Variants in PPIF observed in about 807,000 individuals in gnomAD.
PPIF encodes the protein peptidyl-prolyl cis-trans isomerase F, mitochondrial.
A neutral mutation model predicts 20.2 loss-of-function variants in PPIF; 23 were observed. The observed-to-expected ratio is 1.14, with a 90% CI of 0.82 to 1.61. The LOEUF is 1.61. Ranked by LOEUF, PPIF falls within the 40% of genes most tolerant of loss-of-function variation. PPIF has a pLI of 0.00. For synonymous variants in PPIF, 113 were observed against 123.1 expected (o/e 0.92, Z 0.54); for missense variants, 287 against 291.6 (o/e 0.98, Z 0.11).
chr10:79,351,519 C>T lies in PPIF; in HGVS notation c.348C>T (p.Gly116=), dbSNP rs150674286. ...ACTTCACCAACCACAATGGCACAGG[C>T]GGGAAGTCCATCTACGGAAGCCGCT... ...AGDFTNHNGT[G]GKSIYGSRFP... The change falls in exon 4 of 6, where the codon GGC becomes GGT. Residue 116 remains glycine, a synonymous_variant. Coordinates refer to ENST00000225174, the MANE Select transcript of PPIF (RefSeq NM_005729.4). 3.5e-5 allele frequency: 57 copies of T among 1,614,004 alleles called. No homozygotes were observed. Among genetic ancestry groups the T allele is most frequent in the South Asian group, 2.9e-4 (26 of 91,080 alleles).
At chr10:79,352,258 TG>T in intron 4 of PPIF, 58 bp from the exon 5 acceptor site, 1 of 1,500,790 alleles carries the variant, frequency 6.7e-7, no homozygotes, top group South Asian at 1.1e-5. Context: ...CCCTTTCAAA[TG>T]CCCTCCCAGG....
At chr10:79,348,981 T>C in intron 1 of PPIF, 95 bp from the exon 2 acceptor site, 5 of 1,611,766 alleles carry the variant, frequency 3.1e-6, no homozygotes, top group Non-Finnish European at 4.2e-6. Flanking sequence ...CTTAGCCTCC[T>C]TGGCCACTGT....
In PPIF at chr10:79,347,536, A is replaced by C. The variant is rs937131111; in HGVS notation, c.-13A>C. ...GTTCTCCCCGCCCGTGTCCCGCCCG[A>C]CCCGCGCCCGCGATGCTGGCGCTGC... On this transcript the variant is annotated 5_prime_UTR_variant, in exon 1 of 6. Transcript: ENST00000225174. 7.7e-7 allele frequency: 1 copy of C among 1,298,430 alleles called. No homozygotes were observed. The highest frequency in any genetic ancestry group is 1.5e-5 in the African/African-American group (1 of 64,550). The allele number at this position is 1,298,430 out of a possible 1,614,324, so 80.4% of individuals were successfully genotyped here. A position where few individuals can be genotyped will look rare whatever the true frequency, so the allele number is the denominator to read the frequency against.
intron 3 of PPIF, among the ~76,000 whole-genome samples, chr10:79,351,266 AC>A (rs1474577291): frequency 3.3e-5 from 5 of 151,996 alleles, no homozygotes; most frequent in African/African-American, 4.8e-5. Context: ...TCATTTGGAA[AC>A]AAAGGTAGTT....
At chr10:79,353,675 C>A (rs778968568) in intron 5 of PPIF, 32 bp from the exon 6 acceptor site, 2 of 1,614,220 alleles carry the variant, frequency 1.2e-6, no homozygotes, top group South Asian at 2.2e-5. Flanking sequence ...TTGCGCTACA[C>A]TGTTGCTCAC....
rs1020741944 is a variant in PPIF, at chr10:79,355,244, G to A, written c.*1402G>A. 2.0e-5 allele frequency: 3 copies of A among 152,124 alleles called. No homozygotes were observed. The highest frequency in any genetic ancestry group is 7.2e-5 in the African/African-American group (3 of 41,396). 9.4% of individuals were successfully genotyped at this position (152,124 alleles called of 1,614,324 possible). On this transcript the variant is annotated 3_prime_UTR_variant, in exon 6 of 6. Transcript: ENST00000225174. Reference sequence around the variant, plus strand: ...CTTTTGCCATGGTCATAAGCTTCCTGAGGCCTCCCTGGAAGCTGAGCAGAT... The same window carrying A: ...CTTTTGCCATGGTCATAAGCTTCCTAAGGCCTCCCTGGAAGCTGAGCAGAT...
intron 5 of PPIF, 47 bp from the exon 6 acceptor site, chr10:79,353,660 T>C (rs1856009806): frequency 6.2e-7 from 1 of 1,613,870 alleles, no homozygotes; most frequent in African/African-American, 1.3e-5. Flanking sequence ...TGGCATTGGA[T>C]GACATTGCGC....
At chr10:79,350,541 T>A (rs562916904) in intron 3 of PPIF, among the ~76,000 whole-genome samples, 1 of 152,312 alleles carries the variant, frequency 6.6e-6, no homozygotes, top group East Asian at 1.9e-4. Context: ...GGCAGCGGGT[T>A]GGGACTGGAC....
intron 2 of PPIF, among the ~76,000 whole-genome samples, 179 bp downstream of exon 2, chr10:79,349,285 A>G (rs561758050): frequency 2.6e-5 from 4 of 152,354 alleles, no homozygotes; most frequent in South Asian, 2.1e-4. Context: ...CTGGGCCTCA[A>G]CGTTGGCTCT....
intron 4 of PPIF, among the ~76,000 whole-genome samples, chr10:79,352,096 A>C (rs553418773): frequency 6.6e-6 from 1 of 152,082 alleles, no homozygotes; most frequent in East Asian, 1.9e-4. Flanking sequence ...GAGAGCTTCC[A>C]CAAGGCCCTG....
rs1855912604 is a variant in PPIF at position 79,347,511 on chromosome 10, G to A, written c.-38G>A. The A allele has an allele frequency of 1.6e-6, 2 of 1,280,052 alleles. No homozygotes were observed. Among genetic ancestry groups the A allele is most frequent in the Non-Finnish European group, 2.0e-6 (2 of 1,017,588 alleles). 79.3% of individuals were successfully genotyped at this position (1,280,052 alleles called of 1,614,324 possible). A position where few individuals can be genotyped will look rare whatever the true frequency, so the allele number is the denominator to read the frequency against. On this transcript the variant is annotated 5_prime_UTR_variant, in exon 1 of 6. Transcript: ENST00000225174. ...CGCGCGACGTCAGTTTGAGTTCTGT[G>A]TTCTCCCCGCCCGTGTCCCGCCCGA...
chr10:79,353,854 G>C lies in PPIF; in HGVS notation c.*12G>C. 4 of 1,613,372 alleles carry C rather than the reference G, an allele frequency of 2.5e-6. No homozygotes were observed. The highest frequency in any genetic ancestry group is 2.2e-5 in the East Asian group (1 of 44,874). ...GCCAGTTGAGCTAATCTGTGGCCAG[G>C]GTGCTGGCATGGTGGCAGCTGCAAA... On this transcript the variant is annotated 3_prime_UTR_variant, in exon 6 of 6. Transcript: ENST00000225174.
At position 79,353,775 on chromosome 10, in the gene PPIF, C is replaced by A. The variant is rs1402263097; in HGVS notation, c.557C>A (p.Ser186Tyr). The change falls in exon 6 of 6, where the codon TCT (serine) becomes TAT (tyrosine). Residue 186 changes from serine (S) to tyrosine (Y), a missense_variant. Coordinates refer to ENST00000225174, the MANE Select transcript of PPIF (RefSeq NM_005729.4). Reference protein sequence around the residue: ...EGMDVVKKIESFGSKSGRTSK... With the variant: ...EGMDVVKKIEYFGSKSGRTSK... ...ATGGACGTCGTGAAGAAAATAGAAT[C>A]TTTCGGCTCTAAGAGTGGGAGGACA... The A allele has an allele frequency of 3.1e-6, 5 of 1,614,116 alleles. No individual in the cohort carries two copies. The African/African-American group carries it at 6.7e-5, about 22-fold the overall frequency.
chr10:79,351,779 A>C (rs2132152563), intron 4 of PPIF, 196 bp downstream of exon 4: 1 of 550,856 alleles, frequency 1.8e-6, no homozygotes, highest in South Asian at 2.5e-5. Flanking sequence ...CTCAGTTTAA[A>C]AAGCAGGGTT....
intron 4 of PPIF, 106 bp downstream of exon 4, chr10:79,351,689 T>G: frequency 1.0e-6 from 1 of 991,724 alleles, no homozygotes; most frequent in Non-Finnish European, 1.5e-6. Context: ...CAGTATCTGA[T>G]GAGTCTCCTT....
Position 79,353,957 on chromosome 10 carries a change from C to A in PPIF, c.*115C>A. ...GATACGTGTGCCCACTCCACTGTCA[C>A]AGTGTGCCTGAGGAAGGCTGCTAGG... On this transcript the variant is annotated 3_prime_UTR_variant, in exon 6 of 6. Transcript: ENST00000225174. 1 of 1,217,090 alleles carries A rather than the reference C, an allele frequency of 8.2e-7. No homozygotes were observed. The highest frequency in any genetic ancestry group is 1.4e-5 in the South Asian group (1 of 69,266). 75.4% of individuals were successfully genotyped at this position (1,217,090 alleles called of 1,614,324 possible).
chr10:79,352,388 G>A lies in PPIF; in HGVS notation c.484G>A (p.Asp162Asn). 1 of 1,613,726 alleles carries A rather than the reference G, an allele frequency of 6.2e-7. No homozygotes were observed. The highest frequency in any genetic ancestry group is 8.5e-7 in the Non-Finnish European group (1 of 1,179,624). Residue 162 changes from aspartate (D) to asparagine (N), a missense_variant, in exon 5 of 6, where the codon GAC (aspartate) becomes AAC (asparagine). Physicochemically the swap from Asp to Asn is conservative, Grantham distance 23. Coordinates refer to ENST00000225174, the MANE Select transcript of PPIF (RefSeq NM_005729.4). ...SQFFICTIKT[D>N]WLDGKHVVFG... is the part of the protein sequence containing the mutation. ...GTTCTTCATCTGCACCATAAAGACA[G>A]ACTGGTGAGTTCCCTGCCCCAGGCC... is the stretch of plus-strand genomic sequence containing the variant.
chr10:79,352,321 C>T lies in PPIF; in HGVS notation c.417C>T (p.Val139=), dbSNP rs759985874. ...CAGCCCTGCTGGTTTTTGCAGGTGT[C>T]CTGTCCATGGCTAATGCTGGTCCTA... ...NFTLKHVGPG[V]LSMANAGPNT... Residue 139 remains valine (V), a synonymous_variant, in exon 5 of 6, where the codon GTC becomes GTT. Coordinates refer to ENST00000225174, the MANE Select transcript of PPIF (RefSeq NM_005729.4). 6.2e-7 allele frequency: 1 copy of T among 1,614,032 alleles called. No homozygotes were observed. The highest frequency in any genetic ancestry group is 2.2e-5 in the East Asian group (1 of 44,896).
rs1291026942 is a variant in PPIF, at chr10:79,349,579, G to A, written c.227-86G>A. ...CTTTATCCCCCTGTTCACTGCTGGG[G>A]ATGTAGCAGGGATTTTGGCTGGAAC... On this transcript the variant is annotated intron_variant, in intron 2 of 5. Coordinates refer to ENST00000225174, the MANE Select transcript of PPIF (RefSeq NM_005729.4). 3 of 1,579,620 alleles carry A rather than the reference G, an allele frequency of 1.9e-6. No individual in the cohort carries two copies. The African/African-American group carries it at 4.0e-5, about 21-fold the overall frequency.
Sources: allele counts gnomAD v4.1 joint callset (sites outside exome capture counted in the v4.1 genomes callset), GRCh38; gene constraint gnomAD v4.1.1; transcripts MANE v1.5; gene names NCBI Gene and HGNC (gene_info 2026-07-23, HGNC 2026-07-21).